The following MYOM1 variants were observed in gnomAD, a reference collection of about 807,000 sequenced individuals.
MYOM1 encodes the protein myomesin-1.
MYOM1 carries 164 observed loss-of-function variants against 205.3 expected under a neutral mutation model. That is an observed-to-expected ratio of 0.80 (90% CI 0.70 to 0.91). MYOM1 has a LOEUF of 0.91. Among genes scored for constraint, MYOM1 ranks in the 40% least tolerant of loss-of-function variants. The probability of loss-of-function intolerance (pLI) is 0.00; values close to 1 mark genes in which losing one functional copy is unlikely to be tolerated. For missense variants in MYOM1, 2,011 were observed against 2,127.3 expected, an observed-to-expected ratio of 0.95 and a Z score of 1.08; for synonymous variants, 772 against 789.4, an observed-to-expected ratio of 0.98 and a Z score of 0.37.
chr18:3,087,789 C>T (rs184736811), intron 29 of MYOM1, among the ~76,000 whole-genome samples: 61 of 152,244 alleles, frequency 4.0e-4, no homozygotes, highest in African/African-American at 1.4e-3. Context: ...CGCTCCCTGC[C>T]CCTCCTACTT....
At chr18:3,151,999 A>T in intron 11 of MYOM1, 106 bp from the exon 12 acceptor site, 1 of 1,213,042 alleles carries the variant, frequency 8.2e-7, no homozygotes, top group Non-Finnish European at 1.1e-6. Context: ...CTCCCTATAA[A>T]ATATCCAAGT....
chr18:3,077,157 T>G (rs1462502177), intron 34 of MYOM1, among the ~76,000 whole-genome samples: 1 of 151,968 alleles, frequency 6.6e-6, no homozygotes, highest in Non-Finnish European at 1.5e-5. Flanking sequence ...GGACTATAGG[T>G]GTGTGCCACC....
At position 3,079,088 on chromosome 18, in the gene MYOM1, C is replaced by T. The variant is rs1432509156; in HGVS notation, c.4648+91G>A. ...TTGGCCTCTCAAGGTGTTGGGATTA[C>T]AGGCATAAGCCACCATGCCCAACTC... On this transcript the variant is annotated intron_variant, in intron 34 of 37. Transcript: ENST00000356443. 5.5e-5 allele frequency: 73 copies of T among 1,319,632 alleles called. 1 individual carries two copies. The highest frequency in any genetic ancestry group is 1.5e-4 in the African/African-American group (10 of 67,784). The allele number at this position is 1,319,632 out of a possible 1,614,324, so 81.7% of individuals were successfully genotyped here. A position where few individuals can be genotyped will look rare whatever the true frequency, so the allele number is the denominator to read the frequency against.
intron 26 of MYOM1, among the ~76,000 whole-genome samples, chr18:3,092,470 C>T (rs895860402): frequency 2.0e-5 from 3 of 152,222 alleles, no homozygotes; most frequent in Admixed American, 6.5e-5. Flanking sequence ...TGGGATTACA[C>T]GTGTGAGCCA....
At chr18:3,082,413 A>C (rs1013406725) in intron 33 of MYOM1, among the ~76,000 whole-genome samples, 1 of 152,164 alleles carries the variant, frequency 6.6e-6, no homozygotes, top group African/African-American at 2.4e-5. Flanking sequence ...CTCATCCCTC[A>C]AGTGAGGAGC....
the MYOM1 span, among the ~76,000 whole-genome samples, chr18:3,225,084 T>C: frequency 6.6e-6 from 1 of 152,058 alleles, no homozygotes; most frequent in Non-Finnish European, 1.5e-5. Flanking sequence ...ACCTCCCGGG[T>C]TCACACCGTT....
chr18:3,160,628 A>G (rs181631183), intron 10 of MYOM1, among the ~76,000 whole-genome samples: 167 of 152,326 alleles, frequency 1.1e-3, no homozygotes, highest in African/African-American at 3.8e-3. Flanking sequence ...AACCTAATAT[A>G]TATCATTTAA....
In MYOM1 at chr18:3,141,684, C is replaced by T. The variant is rs1260606092; in HGVS notation, c.2025+255G>A. On this transcript the variant is annotated intron_variant, in intron 14 of 37. Coordinates refer to ENST00000356443, the MANE Select transcript of MYOM1 (RefSeq NM_003803.4). Reference sequence around the variant, plus strand: ...AGGAACATTTCTCTTCTTGTAGGTGCTATGATGTTGGGTCTGGATCTCTTA... The same window carrying T: ...AGGAACATTTCTCTTCTTGTAGGTGTTATGATGTTGGGTCTGGATCTCTTA... Among the ~76,000 whole-genome samples the T allele has an allele frequency of 2.0e-5, 3 of 152,166 alleles. No individual in the cohort carries two copies. The East Asian group carries it at 5.8e-4, about 29-fold the overall frequency.
intron 22 of MYOM1, 44 bp downstream of exon 22, chr18:3,112,254 C>T: frequency 6.4e-7 from 1 of 1,551,518 alleles, no homozygotes; most frequent in Non-Finnish European, 8.9e-7. Context: ...AGTTCAGTAT[C>T]TTACACAGAT....
intron 13 of MYOM1, among the ~76,000 whole-genome samples, chr18:3,142,679 C>T (rs576630731): frequency 1.4e-4 from 22 of 152,106 alleles, no homozygotes; most frequent in Non-Finnish European, 2.6e-4. Context: ...GACAAACTTC[C>T]AGAAGCACCC....
chr18:3,165,462 TA>T (rs1173437631), intron 9 of MYOM1, among the ~76,000 whole-genome samples: 1 of 152,218 alleles, frequency 6.6e-6, no homozygotes, highest in Non-Finnish European at 1.5e-5. Context: ...ATAATAGGCT[TA>T]TCCAAAGTTT....
intron 25 of MYOM1, among the ~76,000 whole-genome samples, chr18:3,098,033 C>G (rs886958764): frequency 6.6e-6 from 1 of 152,138 alleles, no homozygotes; most frequent in Non-Finnish European, 1.5e-5. Context: ...TAGTTGTTGT[C>G]TAGACACTTA....
intron 33 of MYOM1, among the ~76,000 whole-genome samples, chr18:3,079,955 T>C (rs995999120): frequency 3.3e-5 from 5 of 152,196 alleles, no homozygotes; most frequent in African/African-American, 1.2e-4. Context: ...CAGTAGGTCA[T>C]GAGCAGACCC....
intron 25 of MYOM1, among the ~76,000 whole-genome samples, chr18:3,095,943 G>A (rs985440189): frequency 6.6e-6 from 1 of 152,140 alleles, no homozygotes; most frequent in African/African-American, 2.4e-5. Flanking sequence ...AAAATATCTG[G>A]AGACCTCATT....
intron 5 of MYOM1, among the ~76,000 whole-genome samples, chr18:3,184,160 C>T (rs770267409): frequency 3.3e-5 from 5 of 152,152 alleles, no homozygotes; most frequent in Non-Finnish European, 7.4e-5. Context: ...CCCACCTCGG[C>T]CTCCCAAAGT....
At chr18:3,206,631 G>C (rs2081126425) in intron 2 of MYOM1, among the ~76,000 whole-genome samples, 1 of 152,048 alleles carries the variant, frequency 6.6e-6, no homozygotes, top group Admixed American at 6.6e-5. Context: ...ATTGAGAACA[G>C]CTTGGTTTTG....
chr18:3,224,065 G>A (rs1567976567), upstream of MYOM1, among the ~76,000 whole-genome samples: 1 of 146,800 alleles, frequency 6.8e-6, no homozygotes, highest in Non-Finnish European at 1.5e-5. Context: ...GGCTCACTGT[G>A]TCACCCAGGC....
chr18:3,157,353 C>T (rs1385984691), intron 10 of MYOM1, among the ~76,000 whole-genome samples: 3 of 152,050 alleles, frequency 2.0e-5, no homozygotes, highest in Non-Finnish European at 4.4e-5. Context: ...TTCTCTCATT[C>T]ATTCATTCAG....
At chr18:3,079,428 A>G in intron 33 of MYOM1, 86 bp from the exon 34 acceptor site, 1 of 1,425,872 alleles carries the variant, frequency 7.0e-7, no homozygotes. Context: ...CTCTTGCCAT[A>G]AAGTTTTGTA....
Sources: allele counts gnomAD v4.1 joint callset (sites outside exome capture counted in the v4.1 genomes callset), GRCh38; gene constraint gnomAD v4.1.1; transcripts MANE v1.5; gene names NCBI Gene and HGNC (gene_info 2026-07-23, HGNC 2026-07-21).